Variants in ADSS1 observed in about 807,000 individuals in gnomAD.
The protein encoded by ADSS1 is adenylosuccinate synthetase isozyme 1.
ADSS1 carries 57 observed loss-of-function variants against 59.1 expected under a neutral mutation model. That is an observed-to-expected ratio of 0.97 (90% CI 0.78 to 1.20). The LOEUF is 1.20. Among genes scored for constraint, ADSS1 ranks in the 50% most tolerant of loss-of-function variants. ADSS1 has a pLI of 0.00. For missense variants in ADSS1, 603 were observed against 610.3 expected (o/e 0.99, Z 0.13); for synonymous variants, 247 against 249.4 (o/e 0.99, Z 0.09).
At chr14:104,726,015 G>T (rs1302217789) in intron 1 of ADSS1, among the ~76,000 whole-genome samples, 1 of 151,964 alleles carries the variant, frequency 6.6e-6, no homozygotes, top group East Asian at 1.9e-4. Context: ...CCGCTCACTC[G>T]CAGCTGCACA....
At chr14:104,732,980 A>G (rs764273098) in intron 1 of ADSS1, among the ~76,000 whole-genome samples, 14 of 151,928 alleles carry the variant, frequency 9.2e-5, no homozygotes, top group Non-Finnish European at 2.1e-4. Flanking sequence ...CCCCGTCCCG[A>G]TGGACTGAAC....
chr14:104,740,299 C>T lies in ADSS1; in HGVS notation c.477-302C>T, dbSNP rs1406727339. Among the ~76,000 whole-genome samples, 3 of 152,106 alleles carry T rather than the reference C, an allele frequency of 2.0e-5. No individual in the cohort carries two copies. Among genetic ancestry groups the T allele is most frequent in the African/African-American group, 4.8e-5 (2 of 41,390 alleles). On this transcript the variant is annotated intron_variant, in intron 5 of 12. Coordinates refer to ENST00000330877, the MANE Select transcript of ADSS1 (RefSeq NM_152328.5). This position sits in a 1 kb window ranked among gnomAD's most constrained non-coding sequence, Gnocchi z 4.8. ...TACACACCACACGCCCACGCATGCT[C>T]GCACAGTTATGCACATGTGCACACG...
At chr14:104,735,645 C>T (rs1891092668) in intron 2 of ADSS1, among the ~76,000 whole-genome samples, 1 of 152,194 alleles carries the variant, frequency 6.6e-6, no homozygotes, top group South Asian at 2.1e-4. Context: ...AGCCCCTTCC[C>T]AGTCCGTGCT....
At chr14:104,741,392 C>T (rs926347048) in intron 8 of ADSS1, 149 bp downstream of exon 8, 3 of 1,103,628 alleles carry the variant, frequency 2.7e-6, no homozygotes, top group African/African-American at 1.6e-5. Flanking sequence ...AAATGATCCT[C>T]GTGTCCTTAG....
intron 1 of ADSS1, among the ~76,000 whole-genome samples, chr14:104,731,466 C>T (rs1484516238): frequency 6.6e-6 from 1 of 152,196 alleles, no homozygotes; most frequent in Non-Finnish European, 1.5e-5. Flanking sequence ...TGGGCTTCCT[C>T]TCCACCTGTA....
intron 1 of ADSS1, among the ~76,000 whole-genome samples, chr14:104,726,348 G>A (rs72715972): frequency 0.32 from 48,629 of 151,978 alleles, 8,189 homozygotes; most frequent in East Asian, 0.57. Context: ...CTGGCCCTTT[G>A]TCCCCACCTG....
At position 104,724,302 on chromosome 14, in the gene ADSS1, C is replaced by G. The variant is rs1476111410; in HGVS notation, c.32C>G (p.Pro11Arg). The G allele has an allele frequency of 2.4e-6, 3 of 1,233,578 alleles. No homozygotes were observed. The highest frequency in any genetic ancestry group is 4.2e-5 in the Admixed American group (1 of 23,576). The allele number at this position is 1,233,578 out of a possible 1,614,324, so 76.4% of individuals were successfully genotyped here. A position where few individuals can be genotyped will look rare whatever the true frequency, so the allele number is the denominator to read the frequency against. The change falls in exon 1 of 13, where the codon CCC becomes CGC. Residue 11 changes from proline to arginine, a missense_variant. By Grantham distance (103) the Pro-to-Arg change is moderately radical. Transcript: ENST00000330877. MSGTRASNDR[P>R]PGAGGVKRGR... ...GGGACCCGAGCCTCCAACGACCGGC[C>G]CCCCGGCGCAGGCGGCGTCAAGCGG...
chr14:104,739,771 T>C lies in ADSS1; in HGVS notation c.431T>C (p.Val144Ala). 6.2e-7 allele frequency: 1 copy of C among 1,613,926 alleles called. No individual in the cohort carries two copies. Among genetic ancestry groups the C allele is most frequent in the Non-Finnish European group, 8.5e-7 (1 of 1,179,998 alleles). The change falls in exon 5 of 13, where the codon GTC becomes GCC. Residue 144 changes from valine (V) to alanine (A), a missense_variant. Coordinates refer to ENST00000330877, the MANE Select transcript of ADSS1 (RefSeq NM_152328.5). ...AHLVFDFHQAVDGLQEVQRQA... is the reference protein window; with the variant it reads ...AHLVFDFHQAADGLQEVQRQA... Reference sequence around the variant, plus strand: ...ACAGTGTTTGATTTTCACCAGGCTGTCGACGGACTTCAGGAAGTGCAGCGC... The same window carrying C: ...ACAGTGTTTGATTTTCACCAGGCTGCCGACGGACTTCAGGAAGTGCAGCGC...
Position 104,741,782 on chromosome 14 carries a change from C to T in ADSS1, c.794-66C>T, listed in dbSNP as rs898292702. On this transcript the variant is annotated intron_variant, in intron 8 of 12. Coordinates refer to ENST00000330877, the MANE Select transcript of ADSS1 (RefSeq NM_152328.5). ...CCACTGCCCTTTACTGAGAAGGCCT[C>T]TTGGGCCGGGTGGAATAATCTACAG... 3.2e-6 allele frequency: 5 copies of T among 1,585,748 alleles called. No individual in the cohort carries two copies. In the South Asian group the frequency reaches 3.5e-5, roughly 11 times the overall value.
intron 4 of ADSS1, 176 bp from the exon 5 acceptor site, chr14:104,739,574 C>T: frequency 1.1e-6 from 1 of 893,512 alleles, no homozygotes; most frequent in Non-Finnish European, 1.7e-6. Context: ...AGCCCATTTG[C>T]AGGTGGGGAG....
At chr14:104,742,731 C>T (rs917805088) in intron 9 of ADSS1, among the ~76,000 whole-genome samples, 2 of 152,106 alleles carry the variant, frequency 1.3e-5, no homozygotes, top group African/African-American at 4.8e-5. Context: ...GGGCCAGGCC[C>T]GCCTCCCCCA....
intron 2 of ADSS1, among the ~76,000 whole-genome samples, chr14:104,735,402 G>GATCCCTGATCCCTC (rs1891083697): frequency 2.0e-5 from 3 of 152,216 alleles, no homozygotes; most frequent in Admixed American, 2.0e-4. Flanking sequence ...CCTGATCCCT[G>GATCCCTGATCCCTC]ATCCCTGATC....
rs896121873 is a variant in ADSS1, at chr14:104,747,180, C to G, written c.*177C>G. 3.6e-6 allele frequency: 2 copies of G among 550,016 alleles called. No homozygotes were observed. The highest frequency in any genetic ancestry group is 3.5e-5 in the Admixed American group (1 of 28,968). 34.1% of individuals were successfully genotyped at this position (550,016 alleles called of 1,614,324 possible). ...ATGATTTTAAACATTGGAAAGCCAG[C>G]CTTGTGTATATTTTTAAAAATTATA... is the stretch of plus-strand genomic sequence containing the variant. On this transcript the variant is annotated 3_prime_UTR_variant, in exon 13 of 13. Transcript: ENST00000330877.
At chr14:104,733,528 C>G (rs188857103) in intron 1 of ADSS1, among the ~76,000 whole-genome samples, 1 of 152,174 alleles carries the variant, frequency 6.6e-6, no homozygotes, top group East Asian at 1.9e-4. Flanking sequence ...AGGGGGCCGC[C>G]ATCACGGAGG....
At chr14:104,742,064 G>C (rs1891386404) in intron 9 of ADSS1, 62 bp downstream of exon 9, 10 of 1,590,812 alleles carry the variant, frequency 6.3e-6, no homozygotes, top group Non-Finnish European at 8.6e-6. Flanking sequence ...GGGTGCCGGG[G>C]GTGGGGTGAG....
intron 10 of ADSS1, chr14:104,744,465 G>A (rs539683899): frequency 3.4e-5 from 7 of 207,868 alleles, no homozygotes; most frequent in Admixed American, 2.3e-4. Context: ...GGGGTGTGGC[G>A]GCGGATGGTT....
At chr14:104,733,745 G>C (rs1346825541) in intron 1 of ADSS1, among the ~76,000 whole-genome samples, 4 of 152,214 alleles carry the variant, frequency 2.6e-5, no homozygotes, top group African/African-American at 9.6e-5. Flanking sequence ...GGGTCCTGGG[G>C]ACAGAGTGGG....
At chr14:104,729,063 GT>G (rs1371446846) in intron 1 of ADSS1, among the ~76,000 whole-genome samples, 1 of 152,194 alleles carries the variant, frequency 6.6e-6, no homozygotes, top group African/African-American at 2.4e-5. Context: ...TCGTCCAGGT[GT>G]TGCTGCAGGT....
At chr14:104,745,174 G>A (rs1039276668) in intron 11 of ADSS1, 11 of 410,312 alleles carry the variant, frequency 2.7e-5, no homozygotes, top group South Asian at 1.4e-4. Flanking sequence ...CAGACTACTC[G>A]CCTGGGACCC....
Sources: allele counts gnomAD v4.1 joint callset (sites outside exome capture counted in the v4.1 genomes callset), GRCh38; gene constraint gnomAD v4.1.1; non-coding constraint Gnocchi (gnomAD v3.1); transcripts MANE v1.5; gene names NCBI Gene and HGNC (gene_info 2026-07-23, HGNC 2026-07-21).